PPFIA2: variants seen among roughly 807,000 people sequenced by gnomAD.
PPFIA2 encodes PPFI scaffold protein A2.
In PPFIA2, 46 loss-of-function variants were observed where a neutral mutation model predicts 175.5. That is an observed-to-expected ratio of 0.26 (90% CI 0.21 to 0.34). The LOEUF (loss-of-function observed/expected upper bound fraction) is 0.34, where lower values mean the gene tolerates loss of function less well. PPFIA2 is among the 10% of genes least tolerant of loss of function. The pLI, the probability that PPFIA2 is intolerant of heterozygous loss-of-function variation, is 1.00. For missense variants in PPFIA2, 1,179 were observed against 1,506.1 expected, an observed-to-expected ratio of 0.78 and a Z score of 3.60; for synonymous variants, 568 against 511.4, an observed-to-expected ratio of 1.11 and a Z score of -1.49.
intron 4 of PPFIA2, among the ~76,000 whole-genome samples, chr12:81,513,609 C>T (rs1348184506): frequency 6.6e-6 from 1 of 151,916 alleles, no homozygotes; most frequent in African/African-American, 2.4e-5. Flanking sequence ...CATCCTCTTT[C>T]CTCTAATGTT....
chr12:81,427,223 C>T (rs2047287029), intron 7 of PPFIA2, among the ~76,000 whole-genome samples: 1 of 151,938 alleles, frequency 6.6e-6, no homozygotes, highest in African/African-American at 2.4e-5. Context: ...GGGAGAAAGG[C>T]CAGGTGACAT....
intron 4 of PPFIA2, among the ~76,000 whole-genome samples, chr12:81,614,215 T>C (rs868116691): frequency 2.0e-5 from 3 of 152,010 alleles, no homozygotes; most frequent in Non-Finnish European, 4.4e-5. Flanking sequence ...TCACAGAGTA[T>C]TGGGGGAAAT....
intron 22 of PPFIA2, 74 bp downstream of exon 22, chr12:81,325,703 C>G: frequency 8.9e-7 from 1 of 1,118,904 alleles, no homozygotes; most frequent in African/African-American, 1.6e-5. Context: ...CAACCACTCT[C>G]TTTTTAATTC....
chr12:81,296,150 AAAAC>A (rs2046389127), intron 23 of PPFIA2, among the ~76,000 whole-genome samples: 1 of 151,924 alleles, frequency 6.6e-6, no homozygotes. Flanking sequence ...TACTAAAACT[AAAAC>A]AAACAAACAA....
In PPFIA2 at chr12:81,502,962, C is replaced by T. The variant is rs572935868; in HGVS notation, c.304-45096G>A. On this transcript the variant is annotated intron_variant, in intron 4 of 32. Transcript: ENST00000549396. ...ACAAAACACACCCTCCATCAAAAGC[C>T]GTATGTCTATGGAAATTTTAAGAGA... 4.6e-5 allele frequency among the ~76,000 whole-genome samples: 7 copies of T among 152,096 alleles called. No homozygotes were observed. The East Asian group carries it at 7.8e-4, about 17-fold the overall frequency.
intron 4 of PPFIA2, among the ~76,000 whole-genome samples, chr12:81,567,825 A>G (rs1020850917): frequency 6.6e-6 from 1 of 152,174 alleles, no homozygotes; most frequent in Non-Finnish European, 1.5e-5. Flanking sequence ...ACTTTCCTGA[A>G]TTCTATGAGT....
At chr12:81,551,926 T>C (rs2067995354) in intron 4 of PPFIA2, among the ~76,000 whole-genome samples, 1 of 151,816 alleles carries the variant, frequency 6.6e-6, no homozygotes, top group South Asian at 2.1e-4. Flanking sequence ...AATTTCTCTC[T>C]TATTCAAGAT....
chr12:81,734,555 A>C (rs1292912663), intron 3 of PPFIA2, among the ~76,000 whole-genome samples: 4 of 151,812 alleles, frequency 2.6e-5, no homozygotes, highest in Non-Finnish European at 5.9e-5. Context: ...TTAAAAGTAT[A>C]AAATCAAAAT....
intron 4 of PPFIA2, among the ~76,000 whole-genome samples, chr12:81,642,127 T>C (rs2178687): frequency 0.11 from 17,265 of 152,104 alleles, 1,194 homozygotes; most frequent in Middle Eastern, 0.17. Flanking sequence ...AGATAGGTGA[T>C]AGATAAATGT....
At chr12:81,522,207 G>A (rs1172488523) in intron 4 of PPFIA2, among the ~76,000 whole-genome samples, 1 of 152,084 alleles carries the variant, frequency 6.6e-6, no homozygotes, top group Non-Finnish European at 1.5e-5. Flanking sequence ...TTTGTTGTAG[G>A]CTACTGTTTT....
intron 2 of PPFIA2, among the ~76,000 whole-genome samples, chr12:81,758,040 A>G (rs1345422995): frequency 2.0e-5 from 3 of 152,148 alleles, no homozygotes; most frequent in Non-Finnish European, 1.5e-5. Context: ...AAATATGATT[A>G]TCACCTTTAA....
chr12:81,521,959 CAAT>C (rs1487534711), intron 4 of PPFIA2, among the ~76,000 whole-genome samples: 2 of 151,918 alleles, frequency 1.3e-5, no homozygotes, highest in Non-Finnish European at 2.9e-5. Context: ...TTAATTTTTG[CAAT>C]TGTTCTTTTT....
chr12:81,733,929 G>A (rs983926506), intron 3 of PPFIA2, among the ~76,000 whole-genome samples: 2 of 151,528 alleles, frequency 1.3e-5, no homozygotes, highest in African/African-American at 4.8e-5. Context: ...TAACCTACAT[G>A]TCTATCTTTT....
At chr12:81,413,819 A>G (rs1009465597) in intron 7 of PPFIA2, among the ~76,000 whole-genome samples, 3 of 151,796 alleles carry the variant, frequency 2.0e-5, no homozygotes, top group African/African-American at 7.2e-5. Context: ...GAATTTTCCA[A>G]TAAAAAAGGA....
At chr12:81,582,835 T>TAA (rs1286534489) in intron 4 of PPFIA2, among the ~76,000 whole-genome samples, 1 of 151,892 alleles carries the variant, frequency 6.6e-6, no homozygotes, top group African/African-American at 2.4e-5. Flanking sequence ...CATCATTGAA[T>TAA]AAAATACATT....
chr12:81,405,457 A>G (rs1428254922), intron 8 of PPFIA2, among the ~76,000 whole-genome samples: 2 of 151,722 alleles, frequency 1.3e-5, no homozygotes, highest in Non-Finnish European at 2.9e-5. Flanking sequence ...TATACACACA[A>G]TGTGTATATA....
At chr12:81,710,009 G>T (rs1326355754) in intron 3 of PPFIA2, among the ~76,000 whole-genome samples, 1 of 151,868 alleles carries the variant, frequency 6.6e-6, no homozygotes, top group Non-Finnish European at 1.5e-5. Context: ...TTCAATAGGG[G>T]ATAATATATA....
At chr12:81,556,326 A>G (rs1176630076) in intron 4 of PPFIA2, among the ~76,000 whole-genome samples, 3 of 151,946 alleles carry the variant, frequency 2.0e-5, no homozygotes, top group African/African-American at 7.2e-5. Flanking sequence ...ATTGAATAAT[A>G]CTTCTTATCA....
At position 81,325,953 on chromosome 12, in the gene PPFIA2, G is replaced by T. The variant is rs918096080; in HGVS notation, c.2549-83C>A. ...AAGTCAGGTTGTTAAAGGTTTAGTT[G>T]AGCAACTGTTTAGTATCACATTTAA... is the stretch of plus-strand genomic sequence containing the variant. On this transcript the variant is annotated intron_variant, in intron 21 of 32. Coordinates refer to ENST00000549396, the MANE Select transcript of PPFIA2 (RefSeq NM_003625.5). The T allele has an allele frequency of 4.1e-6, 4 of 979,130 alleles. No individual in the cohort carries two copies. In the African/African-American group the frequency reaches 6.5e-5, roughly 16 times the overall value. 60.7% of individuals were successfully genotyped at this position (979,130 alleles called of 1,614,324 possible). A position where few individuals can be genotyped will look rare whatever the true frequency, so the allele number is the denominator to read the frequency against.
Sources: gnomAD v4.1 joint callset for allele counts (sites outside exome capture counted in the v4.1 genomes callset) on GRCh38, gnomAD v4.1.1 for gene constraint, MANE v1.5 for transcripts, NCBI Gene and HGNC (gene_info 2026-07-23, HGNC 2026-07-21) for gene names.